The following GRHL3 variants were observed in gnomAD, a reference collection of about 807,000 sequenced individuals.
GRHL3 encodes grainyhead like transcription factor 3.
Under a neutral mutation model 70.3 loss-of-function variants are expected in GRHL3, and 20 were observed. The observed-to-expected ratio is 0.28, with a 90% confidence interval of 0.20 to 0.41. The LOEUF is 0.41. GRHL3 is among the 10% of genes least tolerant of loss of function. The pLI is 1.00. For synonymous variants in GRHL3, 299 were observed against 299.9 expected (o/e 1.00, Z 0.03); for missense variants, 637 against 762.3 (o/e 0.84, Z 1.94).
In GRHL3 at chr1:24,321,740, G is replaced by C. The variant is rs1457296249; in HGVS notation, c.17+2172G>C. Reference sequence around the variant, plus strand: ...CGCCCGCCCGGTGGCCAGGCCCCGGGTGTAAGGCGGCACTTCGAAGGCTGG... The same window carrying C: ...CGCCCGCCCGGTGGCCAGGCCCCGGCTGTAAGGCGGCACTTCGAAGGCTGG... On this transcript the variant is annotated intron_variant, in intron 1 of 15. Transcript: ENST00000361548. The surrounding 1 kb of genome is among the most constrained non-coding windows in gnomAD (Gnocchi z 4.0). The C allele has an allele frequency of 6.6e-6, 1 of 152,282 alleles. No homozygotes were observed. Among genetic ancestry groups the C allele is most frequent in the Non-Finnish European group, 1.5e-5 (1 of 68,078 alleles). 9.4% of individuals were successfully genotyped at this position (152,282 alleles called of 1,614,324 possible).
chr1:24,361,360 G>C (rs1641104839), intron 15 of GRHL3, among the ~76,000 whole-genome samples: 1 of 152,176 alleles, frequency 6.6e-6, no homozygotes, highest in Non-Finnish European at 1.5e-5. Context: ...GAGATGTGGA[G>C]CTAACCAGAA....
Position 24,331,514 on chromosome 1 carries a change from C to G in GRHL3, c.106C>G (p.Leu36Val). 6.2e-7 allele frequency: 1 copy of G among 1,614,122 alleles called. No homozygotes were observed. The highest frequency in any genetic ancestry group is 8.5e-7 in the Non-Finnish European group (1 of 1,179,990). The change falls in exon 2 of 16, where the codon CTA (leucine) becomes GTA (valine). Residue 36 changes from leucine (L) to valine (V), a missense_variant. By Grantham distance (32) the Leu-to-Val change is conservative. Coordinates refer to ENST00000361548, the MANE Select transcript of GRHL3 (RefSeq NM_198173.3). ...TSEDEAWKTY[L>V]ENPLTAATKA... The stretch of plus-strand genomic sequence containing the variant: ...TGAGGATGAGGCCTGGAAGACGTAC[C>G]TAGAAAACCCGTTGACAGCTGCCAC...
chr1:24,337,478 C>T, intron 5 of GRHL3, 158 bp from the exon 6 acceptor site: 2 of 720,590 alleles, frequency 2.8e-6, no homozygotes, highest in Non-Finnish European at 4.5e-6. Flanking sequence ...TTAAATAGAA[C>T]CCCCAAATTG....
Position 24,354,983 on chromosome 1 carries a change from GA to G in GRHL3, c.*496del, listed in dbSNP as rs1397461498. On this transcript the variant is annotated 3_prime_UTR_variant, in exon 16 of 16. Transcript: ENST00000361548. ...TTTTCAGTGCAAATGACTTTTAAAAGACACTATATTGGAGTCTCTTTCTCAG... is the reference window on the plus strand; with the variant it reads ...TTTTCAGTGCAAATGACTTTTAAAAGCACTATATTGGAGTCTCTTTCTCAG... The G allele has an allele frequency of 1.9e-5, 3 of 156,252 alleles. No homozygotes were observed. The East Asian group carries it at 5.7e-4, about 30-fold the overall frequency. The allele number at this position is 156,252 out of a possible 1,614,324, so 9.7% of individuals were successfully genotyped here.
chr1:24,323,933 G>A (rs1323986165), intron 1 of GRHL3, among the ~76,000 whole-genome samples: 1 of 152,190 alleles, frequency 6.6e-6, no homozygotes, highest in African/African-American at 2.4e-5. Flanking sequence ...GACCGAAAGG[G>A]GACAGAACAG....
At chr1:24,320,042 T>C (rs1211709220) in intron 1 of GRHL3, 2 of 192,276 alleles carry the variant, frequency 1.0e-5, no homozygotes, top group Non-Finnish European at 2.2e-5. Context: ...AGTGTGGTGG[T>C]TAAGCATGTG....
chr1:24,352,126 G>A (rs944076049), intron 15 of GRHL3, among the ~76,000 whole-genome samples: 12 of 151,966 alleles, frequency 7.9e-5, no homozygotes, highest in South Asian at 2.1e-4. Flanking sequence ...CCCCACGGCC[G>A]TGAAAACATC....
chr1:24,358,284 G>A (rs957428192), downstream of GRHL3: 2 of 656,238 alleles, frequency 3.0e-6, no homozygotes, highest in Admixed American at 4.1e-5. Context: ...CAGCCAGGGG[G>A]CTCTGTCCAC....
intron 1 of GRHL3, among the ~76,000 whole-genome samples, chr1:24,323,777 C>T (rs556200658): frequency 1.3e-5 from 2 of 152,208 alleles, no homozygotes; most frequent in African/African-American, 4.8e-5. Flanking sequence ...GGCTGCCTCC[C>T]CCTCTCTATT....
intron 13 of GRHL3, 93 bp from the exon 14 acceptor site, chr1:24,347,375 C>A (rs922331654): frequency 1.8e-6 from 2 of 1,117,006 alleles, no homozygotes; most frequent in African/African-American, 1.5e-5. Flanking sequence ...CAGCAGAAGT[C>A]AATCTTCAAG....
chr1:24,324,294 A>C (rs1639310711), intron 1 of GRHL3, among the ~76,000 whole-genome samples: 1 of 152,138 alleles, frequency 6.6e-6, no homozygotes, highest in African/African-American at 2.4e-5. Context: ...TGTCTGCTGC[A>C]GCCTGACCAC....
chr1:24,340,950 G>T (rs1404790362), intron 8 of GRHL3, among the ~76,000 whole-genome samples: 2 of 152,164 alleles, frequency 1.3e-5, no homozygotes, highest in African/African-American at 4.8e-5. Context: ...CTGGGCGGGG[G>T]CTGCATGAGG....
Position 24,347,542 on chromosome 1 carries a change from C to T in GRHL3, c.1618C>T (p.Leu540=). The T allele has an allele frequency of 1.2e-6, 2 of 1,613,738 alleles. No homozygotes were observed. Among genetic ancestry groups the T allele is most frequent in the South Asian group, 2.2e-5 (2 of 91,072 alleles). ...LMLKTPDLKG[L]RNAISEKYGF... ...GTTGAAGACCCCAGACCTGAAGGGG[C>T]TGAGGAATGCGGTAAGCTGCCTGTG... Residue 540 remains leucine, a synonymous_variant, in exon 14 of 16, where the codon CTG becomes TTG. Transcript: ENST00000361548.
intron 13 of GRHL3, among the ~76,000 whole-genome samples, 156 bp from the exon 14 acceptor site, chr1:24,347,312 G>T (rs1398416450): frequency 6.6e-6 from 1 of 152,236 alleles, no homozygotes; most frequent in African/African-American, 2.4e-5. Flanking sequence ...TTAAGAGGGT[G>T]CATGGGAATC....
chr1:24,319,451 C>A lies in GRHL3; in HGVS notation c.-101C>A. The A allele has an allele frequency of 1.6e-6, 2 of 1,278,656 alleles. No homozygotes were observed. Among genetic ancestry groups the A allele is most frequent in the Non-Finnish European group, 2.3e-6 (2 of 876,510 alleles). The allele number at this position is 1,278,656 out of a possible 1,614,324, so 79.2% of individuals were successfully genotyped here. On this transcript the variant is annotated 5_prime_UTR_variant, in exon 1 of 16. Transcript: ENST00000361548. ...TCGACACCCAAACCTCAACATAAAT[C>A]AAACACTTTCCCGGGCAGAGAATGT...
chr1:24,324,180 T>G (rs1048986745), intron 1 of GRHL3, among the ~76,000 whole-genome samples: 1 of 152,076 alleles, frequency 6.6e-6, no homozygotes, highest in South Asian at 2.1e-4. Context: ...GAATATAGCA[T>G]GAAAGAAAAA....
chr1:24,325,163 G>A (rs556268762), intron 1 of GRHL3, among the ~76,000 whole-genome samples: 3 of 152,306 alleles, frequency 2.0e-5, no homozygotes, highest in African/African-American at 4.8e-5. Context: ...GTATCTGGGT[G>A]TCAACACCCA....
chr1:24,337,059 G>C lies in GRHL3; in HGVS notation c.613-19G>C. Reference sequence around the variant, plus strand: ...GTGAATGTGAGCATTTATTCTCTTGGGGCTGTGTTTCTCTGCAGTCGATGC... The same window carrying C: ...GTGAATGTGAGCATTTATTCTCTTGCGGCTGTGTTTCTCTGCAGTCGATGC... On this transcript the variant is annotated intron_variant, in intron 4 of 15. Transcript: ENST00000361548. 1 of 1,612,320 alleles carries C rather than the reference G, an allele frequency of 6.2e-7. No homozygotes were observed. The highest frequency in any genetic ancestry group is 8.5e-7 in the Non-Finnish European group (1 of 1,178,488).
Position 24,322,989 on chromosome 1 carries a change from A to G in GRHL3, c.17+3421A>G. 1 of 1,136,102 alleles carries G rather than the reference A, an allele frequency of 8.8e-7. No homozygotes were observed. The highest frequency in any genetic ancestry group is 1.3e-6 in the Non-Finnish European group (1 of 775,574). 70.4% of individuals were successfully genotyped at this position (1,136,102 alleles called of 1,614,324 possible). A position where few individuals can be genotyped will look rare whatever the true frequency, so the allele number is the denominator to read the frequency against. On this transcript the variant is annotated intron_variant, in intron 1 of 15. Coordinates refer to ENST00000361548, the MANE Select transcript of GRHL3 (RefSeq NM_198173.3). The surrounding 1 kb of genome is among the most constrained non-coding windows in gnomAD (Gnocchi z 4.4). ...GATCTTAACCGGGTCTTAGCCGAGC[A>G]GCCATAGGCCACCCCGCTTCCTCTG...
Sources: gnomAD v4.1 joint callset for allele counts (sites outside exome capture counted in the v4.1 genomes callset) on GRCh38, gnomAD v4.1.1 for gene constraint, Gnocchi (gnomAD v3.1) non-coding constraint, MANE v1.5 for transcripts, NCBI Gene and HGNC (gene_info 2026-07-23, HGNC 2026-07-21) for gene names.